The following NCK2 variants were observed in gnomAD, a reference collection of about 807,000 sequenced individuals.
The protein encoded by NCK2 is cytoplasmic protein NCK2.
In NCK2, 16 loss-of-function variants were observed where a neutral mutation model predicts 33.9. That is an observed-to-expected ratio of 0.47 (90% CI 0.32 to 0.72). NCK2 has a LOEUF of 0.72. Among genes scored for constraint, NCK2 ranks in the 30% least tolerant of loss-of-function variants. The probability of loss-of-function intolerance (pLI) is 0.03; values close to 1 mark genes in which losing one functional copy is unlikely to be tolerated. For synonymous variants in NCK2, 273 were observed against 239.9 expected, an observed-to-expected ratio of 1.14 and a Z score of -1.27; for missense variants, 418 against 537.3, an observed-to-expected ratio of 0.78 and a Z score of 2.19.
At chr2:105,802,509 T>C (rs1674878182) in intron 1 of NCK2, among the ~76,000 whole-genome samples, 1 of 152,202 alleles carries the variant, frequency 6.6e-6, no homozygotes, top group Non-Finnish European at 1.5e-5. Flanking sequence ...CTCAAGCTGC[T>C]TTCCACTCAT....
At chr2:105,812,032 T>C (rs553008341) in intron 1 of NCK2, among the ~76,000 whole-genome samples, 1 of 152,326 alleles carries the variant, frequency 6.6e-6, no homozygotes, top group South Asian at 2.1e-4. Context: ...ATTAGTTCTG[T>C]TTTTTCCCTC....
At chr2:105,879,402 A>G (rs960590107) in intron 3 of NCK2, among the ~76,000 whole-genome samples, 1 of 152,200 alleles carries the variant, frequency 6.6e-6, no homozygotes, top group African/African-American at 2.4e-5. Context: ...TGGCGGTATC[A>G]TGGTGCTTTC....
chr2:105,798,366 T>C (rs1691159189), intron 1 of NCK2, among the ~76,000 whole-genome samples: 1 of 151,866 alleles, frequency 6.6e-6, no homozygotes, highest in South Asian at 2.1e-4. Flanking sequence ...GCTGAGTCAT[T>C]TTTTTTTCTT....
In NCK2 at chr2:105,881,771, G is replaced by C; in HGVS notation, c.670G>C (p.Val224Leu). The change falls in exon 4 of 5, where the codon GTG (valine) becomes CTG (leucine). Residue 224 changes from valine to leucine, a missense_variant. Physicochemically the swap from Val to Leu is conservative, Grantham distance 32. Coordinates refer to ENST00000233154, the MANE Select transcript of NCK2 (RefSeq NM_003581.5). ...CTTCGAGAAGGGGGAGACCATGGAG[G>C]TGATTGAGAAGCCGGAGAACGACCC... ...LNFEKGETMEVIEKPENDPEW... is the reference protein window; with the variant it reads ...LNFEKGETMELIEKPENDPEW... 6.2e-7 allele frequency: 1 copy of C among 1,614,166 alleles called. No individual in the cohort carries two copies. Among genetic ancestry groups the C allele is most frequent in the East Asian group, 2.2e-5 (1 of 44,882 alleles).
rs573838747 is a variant in NCK2, at chr2:105,809,863, AC to A, written c.-200-6564del. On this transcript the variant is annotated intron_variant, in intron 1 of 4. Coordinates refer to ENST00000233154, the MANE Select transcript of NCK2 (RefSeq NM_003581.5). ...CTTCTTGAATGAGAGATCTTACCTCACCCACTGAGCACTGCTAGAAGAAGAG... is the reference window on the plus strand; with the variant it reads ...CTTCTTGAATGAGAGATCTTACCTCACCACTGAGCACTGCTAGAAGAAGAG... Among the ~76,000 whole-genome samples the A allele has an allele frequency of 1.5e-4, 23 of 152,288 alleles. No individual in the cohort carries two copies. In the South Asian group the frequency reaches 4.8e-3, roughly 32 times the overall value.
chr2:105,838,688 A>G (rs1432339627), intron 2 of NCK2, among the ~76,000 whole-genome samples: 1 of 152,192 alleles, frequency 6.6e-6, no homozygotes, highest in African/African-American at 2.4e-5. Context: ...GTAGGATGGA[A>G]TAGTTTGTAG....
chr2:105,836,137 T>TTTTTTTTTTTTTTTTG (rs1676426294), intron 2 of NCK2, among the ~76,000 whole-genome samples: 1 of 145,080 alleles, frequency 6.9e-6, no homozygotes, highest in African/African-American at 2.7e-5. Flanking sequence ...GTTCTGTTAT[T>TTTTTTTTTTTTTTTTG]AGAGAATTAC....
At chr2:105,877,604 G>T (rs1323435427) in intron 3 of NCK2, among the ~76,000 whole-genome samples, 1 of 152,200 alleles carries the variant, frequency 6.6e-6, no homozygotes, top group African/African-American at 2.4e-5. Flanking sequence ...TAGAGAAAGA[G>T]AAAAGGTTTC....
At chr2:105,842,638 C>T (rs1179715267) in intron 2 of NCK2, among the ~76,000 whole-genome samples, 5 of 152,150 alleles carry the variant, frequency 3.3e-5, no homozygotes. Flanking sequence ...GTGCTCTTGA[C>T]TCTTGACTTG....
chr2:105,762,215 C>T (rs1041511503), intron 1 of NCK2, among the ~76,000 whole-genome samples: 5 of 152,174 alleles, frequency 3.3e-5, no homozygotes, highest in African/African-American at 1.2e-4. Context: ...ACCAGGTGAT[C>T]TCCGAAGATT....
chr2:105,754,806 T>G (rs758712642), intron 1 of NCK2, among the ~76,000 whole-genome samples: 3 of 152,140 alleles, frequency 2.0e-5, no homozygotes, highest in Non-Finnish European at 4.4e-5. Flanking sequence ...GGAGTTATTT[T>G]GAGACAGTTT....
chr2:105,851,388 G>A (rs368302246), intron 2 of NCK2, among the ~76,000 whole-genome samples: 7 of 152,016 alleles, frequency 4.6e-5, no homozygotes, highest in South Asian at 2.1e-4. Flanking sequence ...CTCAGCCTCC[G>A]GAGTAGCTGG....
rs147495198 is a variant in NCK2, at chr2:105,883,122, G to A, written c.948+1073G>A. Reference sequence around the variant, plus strand: ...ACTCCTTTATGGTGTCATCAATTTTGCGGAGCCTTACATGTGCTTGGACGG... The same window carrying A: ...ACTCCTTTATGGTGTCATCAATTTTACGGAGCCTTACATGTGCTTGGACGG... On this transcript the variant is annotated intron_variant, in intron 4 of 4. Transcript: ENST00000233154. Among the ~76,000 whole-genome samples the A allele has an allele frequency of 2.4e-3, 360 of 152,296 alleles. 1 individual carries two copies. Among genetic ancestry groups the A allele is most frequent in the African/African-American group, 7.6e-3 (318 of 41,570 alleles).
intron 1 of NCK2, among the ~76,000 whole-genome samples, chr2:105,812,219 C>A (rs573943670): frequency 6.6e-6 from 1 of 152,280 alleles, no homozygotes; most frequent in Admixed American, 6.5e-5. Context: ...TGTTTCTAAA[C>A]CCTGCCTGGG....
At chr2:105,840,420 C>T (rs558297506) in intron 2 of NCK2, among the ~76,000 whole-genome samples, 1 of 152,330 alleles carries the variant, frequency 6.6e-6, no homozygotes, top group Non-Finnish European at 1.5e-5. Context: ...CTACTCTACT[C>T]TACTCTCACA....
intron 3 of NCK2, among the ~76,000 whole-genome samples, chr2:105,858,464 A>G (rs1369765682): frequency 1.3e-5 from 2 of 152,022 alleles, no homozygotes; most frequent in African/African-American, 2.4e-5. Context: ...GCCTGGGCTG[A>G]TCTTTAACTC....
intron 1 of NCK2, among the ~76,000 whole-genome samples, chr2:105,802,828 A>T (rs1221557986): frequency 6.6e-6 from 1 of 151,722 alleles, no homozygotes; most frequent in Non-Finnish European, 1.5e-5. Flanking sequence ...GCCATGGATG[A>T]TGACTGATCA....
chr2:105,835,952 T>A (rs7565757), intron 2 of NCK2, among the ~76,000 whole-genome samples: 93,765 of 149,270 alleles, frequency 0.63, 30,357 homozygotes, highest in African/African-American at 0.79. Context: ...TTCATTTAAT[T>A]ATTCAGTTCC....
At chr2:105,772,726 ACT>A (rs1690173579) in intron 1 of NCK2, among the ~76,000 whole-genome samples, 1 of 151,448 alleles carries the variant, frequency 6.6e-6, no homozygotes, top group South Asian at 2.1e-4. Flanking sequence ...TTTCCCCGAA[ACT>A]CTTCTTTCTG....
Sources: allele counts gnomAD v4.1 joint callset (sites outside exome capture counted in the v4.1 genomes callset), GRCh38; gene constraint gnomAD v4.1.1; transcripts MANE v1.5; gene names NCBI Gene and HGNC (gene_info 2026-07-23, HGNC 2026-07-21).